PLCH2: variants seen among roughly 807,000 people sequenced by gnomAD.
PLCH2 encodes the protein 1-phosphatidylinositol 4,5-bisphosphate phosphodiesterase eta-2.
A neutral mutation model predicts 134.7 loss-of-function variants in PLCH2; 98 were observed. That is an observed-to-expected ratio of 0.73 (90% confidence interval 0.62 to 0.86). PLCH2 has a LOEUF of 0.86. Ranked by LOEUF, PLCH2 falls within the 40% of genes least tolerant of loss-of-function variation. PLCH2 has a pLI of 0.00. For synonymous variants in PLCH2, 974 were observed against 827.5 expected (o/e 1.18, Z -3.04); for missense variants, 1,994 against 1,986.6 (o/e 1.00, Z -0.07).
At chr1:2,430,809 G>A (rs1003570139) in intron 2 of PLCH2, among the ~76,000 whole-genome samples, 7 of 152,222 alleles carry the variant, frequency 4.6e-5, no homozygotes, top group Non-Finnish European at 8.8e-5. Context: ...GGGCAGGTGG[G>A]GCCGCCACGT....
intron 2 of PLCH2, among the ~76,000 whole-genome samples, chr1:2,450,812 G>T (rs1239525004): frequency 6.9e-6 from 1 of 145,618 alleles, no homozygotes; most frequent in Non-Finnish European, 1.5e-5. Context: ...AAGCACGTGG[G>T]ACCCCAGCCT....
chr1:2,451,886 G>A (rs1213754143), intron 2 of PLCH2, among the ~76,000 whole-genome samples: 1 of 152,212 alleles, frequency 6.6e-6, no homozygotes, highest in Non-Finnish European at 1.5e-5. Context: ...ACGGATGCCT[G>A]TCATCGGCAT....
At chr1:2,417,661 G>A in the PLCH2 span, among the ~76,000 whole-genome samples, 1 of 152,218 alleles carries the variant, frequency 6.6e-6, no homozygotes, top group East Asian at 1.9e-4. Context: ...AGTGTGGCCA[G>A]CCGGTGAGGG....
Position 2,505,114 on chromosome 1 carries a change from C to T in PLCH2, c.4152C>T (p.Ser1384=), listed in dbSNP as rs535485708. The T allele has an allele frequency of 1.7e-4, 268 of 1,546,218 alleles. No individual in the cohort carries two copies. In the Middle Eastern group the frequency reaches 1.9e-3, roughly 11 times the overall value. ...EERGTPEGAC[S]VGHEGSVDAP... ...GGGGCACCCCCGAGGGCGCCTGCTC[C>T]GTGGGCCACGAGGGCAGTGTGGATG... The change falls in exon 22 of 22, where the codon TCC becomes TCT. Residue 1384 remains serine, a synonymous_variant. Transcript: ENST00000378486.
chr1:2,502,168 G>A lies in PLCH2; in HGVS notation c.2718G>A (p.Ser906=), dbSNP rs1004631261. 30 of 1,510,212 alleles carry A rather than the reference G, an allele frequency of 2.0e-5. No homozygotes were observed. The highest frequency in any genetic ancestry group is 2.8e-5 in the African/African-American group (2 of 70,568). The allele number at this position is 1,510,212 out of a possible 1,614,324, so 93.6% of individuals were successfully genotyped here. A position where few individuals can be genotyped will look rare whatever the true frequency, so the allele number is the denominator to read the frequency against. ...TCCTCCGAGGCCCAAAGCCCGGCTC[G>A]CTGGACAGTCATGCTGCTGGGCGGC... The part of the protein sequence containing the change: ...GLFLRGPKPG[S]LDSHAAGRPP... The change falls in exon 21 of 22, where the codon TCG becomes TCA. Residue 906 remains serine, a synonymous_variant. Transcript: ENST00000378486.
At chr1:2,468,165 G>C (rs2494630) in intron 1 of PLCH2, among the ~76,000 whole-genome samples, 70,348 of 151,812 alleles carry the variant, frequency 0.46, 17,160 homozygotes, top group East Asian at 0.59. Context: ...GCCCCTGATC[G>C]AGGTTGGCAA....
At chr1:2,427,360 C>T (rs1022147138) in intron 1 of PLCH2, among the ~76,000 whole-genome samples, 3 of 152,138 alleles carry the variant, frequency 2.0e-5, no homozygotes, top group African/African-American at 4.8e-5. Flanking sequence ...TGGGGGCAGC[C>T]GAACCCGCCC....
In PLCH2 at chr1:2,437,632, T is replaced by C. The variant is rs116970298; in HGVS notation, c.115+7003T>C. Among the ~76,000 whole-genome samples the C allele has an allele frequency of 1.5e-3, 222 of 152,298 alleles. 9 individuals are homozygous for C. In the East Asian group the frequency reaches 0.041, roughly 28 times the overall value. On this transcript the variant is annotated intron_variant, in intron 2 of 3. Coordinates refer to the PLCH2 transcript ENST00000609981. ...GTCATACCTGGCTAAGCAGGGGCCA[T>C]AGCCAGATCGCCTGCTCCCTGCCTC...
chr1:2,492,772 G>T (rs989227041), intron 11 of PLCH2, among the ~76,000 whole-genome samples: 1 of 152,144 alleles, frequency 6.6e-6, no homozygotes. Context: ...CCCACTGAGG[G>T]ACACTTGTGC....
At chr1:2,503,892 G>T in intron 21 of PLCH2, 30 bp from the exon 22 acceptor site, 1 of 703,638 alleles carries the variant, frequency 1.4e-6, no homozygotes, top group South Asian at 1.6e-5. Flanking sequence ...TCTCCCTCTG[G>T]CTCTCTCTCA....
In PLCH2 at chr1:2,504,519, C is replaced by A. The variant is rs371942962; in HGVS notation, c.3557C>A (p.Ser1186Ter). 6.2e-7 allele frequency: 1 copy of A among 1,612,466 alleles called. No individual in the cohort carries two copies. Among genetic ancestry groups the A allele is most frequent in the South Asian group, 1.1e-5 (1 of 91,076 alleles). ...GGACGCCTGCCCCCCAGGCCCCACT[C>A]GGCTTCGGCTGCCCGCCCAGACCTG... is the stretch of plus-strand genomic sequence containing the variant. ...HMGRLPPRPH[S>*]ASAARPDLPP... The change falls in exon 22 of 22, where the codon TCG (serine) becomes TAG (stop). Residue 1186 changes from serine to a stop codon, truncating the protein, a stop_gained. Coordinates refer to ENST00000378486, the MANE Select transcript of PLCH2 (RefSeq NM_014638.4). LOFTEE classifies it high-confidence loss of function.
Position 2,482,756 on chromosome 1 carries a change from G to A in PLCH2, c.646-1692G>A, listed in dbSNP as rs371352056. 4.3e-4 allele frequency among the ~76,000 whole-genome samples: 65 copies of A among 152,284 alleles called. No homozygotes were observed. The East Asian group carries it at 0.01, about 24-fold the overall frequency. On this transcript the variant is annotated intron_variant, in intron 4 of 21. Coordinates refer to ENST00000378486, the MANE Select transcript of PLCH2 (RefSeq NM_014638.4). ...CCTGGCCACCCCAGATCGTGGCCACGGGAGGAGGCAAGGCTGGTCCCCAGT... is the reference window on the plus strand; with the variant it reads ...CCTGGCCACCCCAGATCGTGGCCACAGGAGGAGGCAAGGCTGGTCCCCAGT...
chr1:2,476,629 G>C lies in PLCH2; in HGVS notation c.41G>C (p.Gly14Ala). 1.9e-6 allele frequency: 3 copies of C among 1,603,414 alleles called. No individual in the cohort carries two copies. Among genetic ancestry groups the C allele is most frequent in the Non-Finnish European group, 2.6e-6 (3 of 1,176,300 alleles). The change falls in exon 1 of 22, where the codon GGA (glycine) becomes GCA (alanine). Residue 14 changes from glycine (G) to alanine (A), a missense_variant. This residue lies in a region of PLCH2 where 1,094 missense variants were observed against 1,234.3 expected (regional missense o/e 0.89). Coordinates refer to ENST00000378486, the MANE Select transcript of PLCH2 (RefSeq NM_014638.4). ...CCCTCCCCCGACAGCCGGACCAAGG[G>C]AACGGTGGCCTGGCTGGCGGAGGTA... Reference protein sequence around the residue: ...PWPSPDSRTKGTVAWLAEVLL... With the variant: ...PWPSPDSRTKATVAWLAEVLL...
rs976282953 is a variant in PLCH2, at chr1:2,499,783, GC to G, written c.2661+70del. 20 of 1,281,022 alleles carry G rather than the reference GC, an allele frequency of 1.6e-5. No individual in the cohort carries two copies. In the East Asian group the frequency reaches 2.3e-4, roughly 14 times the overall value. The allele number at this position is 1,281,022 out of a possible 1,614,324, so 79.4% of individuals were successfully genotyped here. On this transcript the variant is annotated intron_variant, in intron 20 of 21. Transcript: ENST00000378486. ...GGGCCACACCAGCCCCTTGTCCCAT[GC>G]CCCCCCATGTGTCCCCAGTGCTGGG...
chr1:2,488,530 C>T (rs879671935), intron 8 of PLCH2, among the ~76,000 whole-genome samples: 3 of 152,270 alleles, frequency 2.0e-5, no homozygotes, highest in Non-Finnish European at 4.4e-5. Context: ...AGGACTTGCT[C>T]ATCTCTTGCC....
upstream of PLCH2, among the ~76,000 whole-genome samples, chr1:2,471,577 G>C (rs781418430): frequency 1.3e-5 from 2 of 152,188 alleles, no homozygotes; most frequent in Non-Finnish European, 2.9e-5. Flanking sequence ...CCCTCCCTCT[G>C]GGCCCTGTGG....
At chr1:2,472,637 C>A (rs993163185), upstream of PLCH2, among the ~76,000 whole-genome samples, 1 of 152,206 alleles carries the variant, frequency 6.6e-6, no homozygotes, top group Non-Finnish European at 1.5e-5. Flanking sequence ...CAATGCCAGC[C>A]GGGCCCAGGC....
intron 10 of PLCH2, 114 bp from the exon 11 acceptor site, chr1:2,491,078 A>G (rs1157281633): frequency 9.5e-7 from 1 of 1,050,508 alleles, no homozygotes; most frequent in Non-Finnish European, 1.4e-6. Context: ...GAGGTGAATC[A>G]CACGCCTTCC....
chr1:2,501,716 C>T (rs550347389), intron 20 of PLCH2: 29 of 198,348 alleles, frequency 1.5e-4, no homozygotes, highest in Non-Finnish European at 2.2e-4. Flanking sequence ...CCCCTGCTAG[C>T]GCCGGGGGCT....
Sources: allele counts gnomAD v4.1 joint callset (sites outside exome capture counted in the v4.1 genomes callset), GRCh38; gene constraint gnomAD v4.1.1; regional missense constraint gnomAD v4.1.1; transcripts MANE v1.5; gene names NCBI Gene and HGNC (gene_info 2026-07-23, HGNC 2026-07-21).